The following PLCZ1 variants were observed in gnomAD, a reference collection of about 807,000 sequenced individuals.
The protein encoded by PLCZ1 is 1-phosphatidylinositol 4,5-bisphosphate phosphodiesterase zeta-1.
In PLCZ1, 64 loss-of-function variants were observed where a neutral mutation model predicts 76.8. That is an observed-to-expected ratio of 0.83 (90% CI 0.68 to 1.03). PLCZ1 has a LOEUF of 1.03. PLCZ1 is among the 50% of genes least tolerant of loss of function. PLCZ1 has a pLI of 0.00. For synonymous variants in PLCZ1, 248 were observed against 230.8 expected (o/e 1.07, Z -0.68); for missense variants, 751 against 713.7 (o/e 1.05, Z -0.60).
chr12:18,665,395 T>A, the PLCZ1 span, among the ~76,000 whole-genome samples: 1 of 152,180 alleles, frequency 6.6e-6, no homozygotes, highest in African/African-American at 2.4e-5. Flanking sequence ...ATATTATTTG[T>A]ATTTCACCAC....
At chr12:18,685,944 T>C (rs1375242767) in intron 13 of PLCZ1, among the ~76,000 whole-genome samples, 1 of 151,774 alleles carries the variant, frequency 6.6e-6, no homozygotes, top group African/African-American at 2.4e-5. Context: ...TAAACCAGGA[T>C]ACCAAATTTG....
chr12:18,690,459 A>G (rs1340917528), intron 12 of PLCZ1, among the ~76,000 whole-genome samples: 1 of 152,116 alleles, frequency 6.6e-6, no homozygotes, highest in Non-Finnish European at 1.5e-5. Flanking sequence ...TCTTGACCTC[A>G]GGTAATCTGC....
chr12:18,708,065 T>A (rs35290855), intron 6 of PLCZ1, among the ~76,000 whole-genome samples: 1 of 152,082 alleles, frequency 6.6e-6, no homozygotes, highest in South Asian at 2.1e-4. Context: ...ATATACAGTA[T>A]AACTTTATTA....
chr12:18,683,456 CT>C, intron 14 of PLCZ1, 132 bp from the exon 15 acceptor site: 1 of 1,431,270 alleles, frequency 7.0e-7, no homozygotes, highest in Non-Finnish European at 9.6e-7. Flanking sequence ...ATATTCCCAT[CT>C]GGTATATTAA....
In PLCZ1 at chr12:18,723,468, T is replaced by G. The variant is rs756184469; in HGVS notation, c.210A>C (p.Arg70Ser). ...FRAIYRIITH[R>S]EEIIEIFNTY... ...TGTTGAAAATCTCAATAATTTCTTC[T>G]CTGTGCGTGATAATTCGATAAATTG... The change falls in exon 4 of 15, where the codon AGA becomes AGC. Residue 70 changes from arginine (R) to serine (S), a missense_variant. Physicochemically the swap from Arg to Ser is moderately radical, Grantham distance 110 (BLOSUM62 -1). Transcript: ENST00000266505. 6.2e-7 allele frequency: 1 copy of G among 1,613,114 alleles called. No individual in the cohort carries two copies.
chr12:18,647,933 A>G, the PLCZ1 span: 1 of 1,599,594 alleles, frequency 6.3e-7, no homozygotes, highest in Non-Finnish European at 8.5e-7. Flanking sequence ...TATTGTGAAG[A>G]GTAAAACTGT....
chr12:18,697,413 G>C (rs144314782), intron 10 of PLCZ1, among the ~76,000 whole-genome samples: 4 of 152,242 alleles, frequency 2.6e-5, no homozygotes, highest in African/African-American at 9.6e-5. Flanking sequence ...AGTCCTAACA[G>C]ATGTCTGTCC....
the PLCZ1 span, among the ~76,000 whole-genome samples, chr12:18,665,900 A>G: frequency 6.8e-6 from 1 of 147,968 alleles, no homozygotes; most frequent in Non-Finnish European, 1.5e-5. Context: ...GCGCCATTGT[A>G]CTCCAGCCTG....
At chr12:18,648,387 C>G in the PLCZ1 span, 2 of 219,280 alleles carry the variant, frequency 9.1e-6, no homozygotes, top group East Asian at 1.4e-4. Context: ...ATAAGAAAGA[C>G]AATCAAATAA....
rs569776759 is a variant in PLCZ1, at chr12:18,737,495, G to A, written c.-124C>T. ...GAAAATAATTTCTTGATACTCATCA[G>A]CTGTTACCACTTTTCTAGGGAGAAA... is the stretch of plus-strand genomic sequence containing the variant. On this transcript the variant is annotated 5_prime_UTR_variant, in exon 2 of 15. Transcript: ENST00000266505. 1.0e-5 allele frequency: 14 copies of A among 1,339,682 alleles called. No individual in the cohort carries two copies. In the Admixed American group the frequency reaches 1.6e-4, roughly 15 times the overall value. The allele number at this position is 1,339,682 out of a possible 1,614,324, so 83.0% of individuals were successfully genotyped here. A position where few individuals can be genotyped will look rare whatever the true frequency, so the allele number is the denominator to read the frequency against.
intron 1 of PLCZ1, 31 bp downstream of exon 1, chr12:18,737,901 T>C (rs936422755): frequency 1.0e-5 from 3 of 292,544 alleles, no homozygotes; most frequent in Non-Finnish European, 1.9e-5. Flanking sequence ...CTCTAGATCG[T>C]TGACAACATA....
the PLCZ1 span, among the ~76,000 whole-genome samples, chr12:18,664,280 C>CA: frequency 6.6e-6 from 1 of 152,004 alleles, no homozygotes; most frequent in Non-Finnish European, 1.5e-5. Context: ...GAATATATAC[C>CA]AAAAAACACT....
At chr12:18,715,065 A>G (rs1352148734) in intron 5 of PLCZ1, among the ~76,000 whole-genome samples, 1 of 151,260 alleles carries the variant, frequency 6.6e-6, no homozygotes, top group African/African-American at 2.4e-5. Context: ...GAGATGACCC[A>G]AGAAGTACTT....
Position 18,723,377 on chromosome 12 carries a change from A to G in PLCZ1, c.301T>C (p.Tyr101His), listed in dbSNP as rs745909177. 2 of 1,612,962 alleles carry G rather than the reference A, an allele frequency of 1.2e-6. No homozygotes were observed. Among genetic ancestry groups the G allele is most frequent in the African/African-American group, 2.7e-5 (2 of 75,000 alleles). ...ATAGCTTTACTCATCTCAGCTGCATATTGTTCTTGTGTCAGAAATTGAGCC... is the reference window on the plus strand; with the variant it reads ...ATAGCTTTACTCATCTCAGCTGCATGTTGTTCTTGTGTCAGAAATTGAGCC... Reference protein sequence around the residue: ...NLAQFLTQEQYAAEMSKAIAF... With the variant: ...NLAQFLTQEQHAAEMSKAIAF... The change falls in exon 4 of 15, where the codon TAT becomes CAT. Residue 101 changes from tyrosine (Y) to histidine (H), a missense_variant. Transcript: ENST00000266505.
intron 3 of PLCZ1, among the ~76,000 whole-genome samples, chr12:18,728,798 T>C (rs189584237): frequency 6.6e-6 from 1 of 152,258 alleles, no homozygotes; most frequent in Admixed American, 6.5e-5. Flanking sequence ...TTCTTTTGGT[T>C]TATCTGCTAA....
At chr12:18,666,620 G>T in the PLCZ1 span, among the ~76,000 whole-genome samples, 1 of 152,136 alleles carries the variant, frequency 6.6e-6, no homozygotes, top group Non-Finnish European at 1.5e-5. Context: ...ACAACATTTG[G>T]AGATTTTAAT....
chr12:18,663,039 T>C, the PLCZ1 span, among the ~76,000 whole-genome samples: 3 of 151,964 alleles, frequency 2.0e-5, no homozygotes. Context: ...TGGATTAAAC[T>C]CTCTCCAGTC....
In PLCZ1 at chr12:18,719,579, G is replaced by T. The variant is rs61742629; in HGVS notation, c.421C>A (p.Arg141Ser). The part of the protein sequence containing the change: ...LEGFTRYMDS[R>S]ECLLFKNECR... The stretch of plus-strand genomic sequence containing the variant: ...TCATTTTTAAACAGTAGACATTCAC[G>T]TGAATCCATGTATCTTGTAAAACCT... The change falls in exon 5 of 15, where the codon CGT becomes AGT. Residue 141 changes from arginine (R) to serine (S), a missense_variant. By Grantham distance (110) the Arg-to-Ser change is moderately radical. Coordinates refer to ENST00000266505, the MANE Select transcript of PLCZ1 (RefSeq NM_033123.4). 2.5e-6 allele frequency: 4 copies of T among 1,605,878 alleles called. No homozygotes were observed. Among genetic ancestry groups the T allele is most frequent in the Non-Finnish European group, 3.4e-6 (4 of 1,175,700 alleles).
chr12:18,685,140 A>T (rs1162571846), intron 13 of PLCZ1, among the ~76,000 whole-genome samples: 2 of 152,042 alleles, frequency 1.3e-5, no homozygotes, highest in East Asian at 1.9e-4. Flanking sequence ...TTCCATACTT[A>T]GTTGTTAGAC....
Sources: allele counts gnomAD v4.1 joint callset (sites outside exome capture counted in the v4.1 genomes callset), GRCh38; gene constraint gnomAD v4.1.1; transcripts MANE v1.5; gene names NCBI Gene and HGNC (gene_info 2026-07-23, HGNC 2026-07-21).